The following TRERF1 variants were observed in gnomAD, a reference collection of about 807,000 sequenced individuals.
The protein encoded by TRERF1 is transcriptional regulating factor 1.
In TRERF1, 27 loss-of-function variants were observed where a neutral mutation model predicts 122.9. The observed-to-expected ratio is 0.22, with a 90% CI of 0.16 to 0.30. The LOEUF (loss-of-function observed/expected upper bound fraction) is 0.30, where lower values mean the gene tolerates loss of function less well. TRERF1 is among the 10% of genes least tolerant of loss of function. The pLI, the probability that TRERF1 is intolerant of heterozygous loss-of-function variation, is 1.00. For synonymous variants in TRERF1, 636 were observed against 641.7 expected (o/e 0.99, Z 0.13); for missense variants, 1,248 against 1,560.3 (o/e 0.80, Z 3.37).
At chr6:42,306,235 C>T (rs1257857283) in intron 3 of TRERF1, among the ~76,000 whole-genome samples, 1 of 152,058 alleles carries the variant, frequency 6.6e-6, no homozygotes, top group Non-Finnish European at 1.5e-5. Flanking sequence ...CTCCTGACCT[C>T]AAGTGATCCA....
chr6:42,316,718 A>G (rs1217356497), intron 3 of TRERF1, among the ~76,000 whole-genome samples: 1 of 152,140 alleles, frequency 6.6e-6, no homozygotes, highest in African/African-American at 2.4e-5. Context: ...TCAGGGACCA[A>G]AATCGCCTTT....
chr6:42,277,081 C>G (rs1781269591), intron 4 of TRERF1, among the ~76,000 whole-genome samples: 1 of 152,298 alleles, frequency 6.6e-6, no homozygotes, highest in South Asian at 2.1e-4. Context: ...CCCCCTGTGA[C>G]TACCATATGC....
At chr6:42,437,675 G>A (rs1319800188) in intron 2 of TRERF1, among the ~76,000 whole-genome samples, 1 of 152,062 alleles carries the variant, frequency 6.6e-6, no homozygotes, top group Non-Finnish European at 1.5e-5. Context: ...ATAAGCAAGG[G>A]GGAAAAGAAC....
chr6:42,359,077 G>GCCT (rs1484116135), intron 3 of TRERF1, among the ~76,000 whole-genome samples: 1 of 152,080 alleles, frequency 6.6e-6, no homozygotes. Context: ...CATCGTCAAA[G>GCCT]CCTCCTCCTC....
At chr6:42,405,933 A>G (rs1381589005) in intron 2 of TRERF1, among the ~76,000 whole-genome samples, 1 of 152,188 alleles carries the variant, frequency 6.6e-6, no homozygotes, top group Non-Finnish European at 1.5e-5. Context: ...CTGACCCACC[A>G]TGCAACAAAG....
At chr6:42,265,849 T>G (rs1779062876) in intron 5 of TRERF1, 52 bp from the exon 6 acceptor site, 1 of 1,591,674 alleles carries the variant, frequency 6.3e-7, no homozygotes, top group African/African-American at 1.3e-5. Flanking sequence ...AAAAACGTGT[T>G]CTGAAGGGAG....
intron 2 of TRERF1, among the ~76,000 whole-genome samples, chr6:42,368,181 C>T (rs534054546): frequency 1.1e-4 from 16 of 152,230 alleles, no homozygotes; most frequent in African/African-American, 3.9e-4. Context: ...GGTGGCTGTG[C>T]TCCAGTAAAT....
In TRERF1 at chr6:42,333,138, T is replaced by C. The variant is rs910878436; in HGVS notation, c.-371+29859A>G. 3.3e-5 allele frequency among the ~76,000 whole-genome samples: 5 copies of C among 152,324 alleles called. No homozygotes were observed. In the South Asian group the frequency reaches 8.3e-4, roughly 25 times the overall value. ...AAAAGCACACATTCATCGGTTAAGG[T>C]CTTGTTCCTTAATAGAGATGGATCG... On this transcript the variant is annotated intron_variant, in intron 3 of 17. Coordinates refer to ENST00000372922, the Ensembl canonical transcript of TRERF1.
chr6:42,434,668 C>CCACACACA (rs3075920), intron 2 of TRERF1, among the ~76,000 whole-genome samples: 89 of 114,928 alleles, frequency 7.7e-4, no homozygotes, highest in African/African-American at 1.4e-3. Context: ...ACACCCTCCA[C>CCACACACA]CACACACACA....
intron 3 of TRERF1, among the ~76,000 whole-genome samples, chr6:42,316,867 T>G (rs694083): frequency 0.38 from 57,448 of 151,924 alleles, 11,789 homozygotes; most frequent in East Asian, 0.76. Flanking sequence ...TTGCTACTCA[T>G]GAGTCATGTG....
chr6:42,329,724 C>T (rs545220232), intron 3 of TRERF1, among the ~76,000 whole-genome samples: 3 of 152,184 alleles, frequency 2.0e-5, no homozygotes, highest in East Asian at 1.9e-4. Flanking sequence ...GGCACGGTGG[C>T]TCACGGCTGT....
intron 4 of TRERF1, among the ~76,000 whole-genome samples, chr6:42,277,972 G>GAAA (rs1781590397): frequency 6.9e-6 from 1 of 144,814 alleles, no homozygotes; most frequent in Non-Finnish European, 1.5e-5. Flanking sequence ...AGAAGAAGAA[G>GAAA]AAGACTGCAA....
At position 42,257,232 on chromosome 6, in the gene TRERF1, A is replaced by G. The variant is rs2149754484; in HGVS notation, c.2337-130T>C. 3 of 1,137,402 alleles carry G rather than the reference A, an allele frequency of 2.6e-6. No homozygotes were observed. In the East Asian group the frequency reaches 7.2e-5, roughly 27 times the overall value. 70.5% of individuals were successfully genotyped at this position (1,137,402 alleles called of 1,614,324 possible). A position where few individuals can be genotyped will look rare whatever the true frequency, so the allele number is the denominator to read the frequency against. ...CAAGAATGCAGGGGCATTTCCTCAC[A>G]GTGTGACCCTAAGATTCCACACGTG... On this transcript the variant is annotated intron_variant, in intron 10 of 17. Transcript: ENST00000372922.
chr6:42,441,152 A>G (rs981156817), intron 2 of TRERF1, among the ~76,000 whole-genome samples: 6 of 152,234 alleles, frequency 3.9e-5, no homozygotes, highest in Admixed American at 1.3e-4. Flanking sequence ...ACCCTGGAGC[A>G]CAATGAGTTC....
chr6:42,285,984 C>T (rs71560753), intron 4 of TRERF1, among the ~76,000 whole-genome samples: 2,434 of 146,530 alleles, frequency 0.017, 52 homozygotes, highest in South Asian at 0.029. Flanking sequence ...TCAGAAATAA[C>T]GCCGCATATC....
Position 42,393,078 on chromosome 6 carries a change from C to G in TRERF1, c.-453-29999G>C, listed in dbSNP as rs1052885924. Among the ~76,000 whole-genome samples the G allele has an allele frequency of 1.5e-4, 23 of 152,170 alleles. No individual in the cohort carries two copies. The highest frequency in any genetic ancestry group is 5.6e-4 in the African/African-American group (23 of 41,420). ...CACAGTTAACTCCCACGAGCTGGTG[C>G]GAGCCAGCTTCCACACGCATCACCG... On this transcript the variant is annotated intron_variant, in intron 2 of 17. Transcript: ENST00000372922. This position sits in a 1 kb window ranked among gnomAD's most constrained non-coding sequence, Gnocchi z 4.1.
intron 8 of TRERF1, among the ~76,000 whole-genome samples, chr6:42,262,293 C>T (rs73424328): frequency 0.046 from 6,919 of 152,026 alleles, 271 homozygotes; most frequent in African/African-American, 0.099. Flanking sequence ...TCTCCCTCTA[C>T]CCTGGCCCAG....
At chr6:42,339,715 A>G (rs1206609654) in intron 3 of TRERF1, among the ~76,000 whole-genome samples, 1 of 152,212 alleles carries the variant, frequency 6.6e-6, no homozygotes, top group Non-Finnish European at 1.5e-5. Flanking sequence ...ATCAACAAAG[A>G]CAACAGGCCC....
intron 12 of TRERF1, among the ~76,000 whole-genome samples, chr6:42,255,564 C>T (rs1776596736): frequency 6.6e-6 from 1 of 152,186 alleles, no homozygotes; most frequent in African/African-American, 2.4e-5. Context: ...CTGGGCCCTA[C>T]TCCCAAGCCT....
Sources: allele counts gnomAD v4.1 joint callset (sites outside exome capture counted in the v4.1 genomes callset), GRCh38; gene constraint gnomAD v4.1.1; non-coding constraint Gnocchi (gnomAD v3.1); transcripts MANE v1.5; gene names NCBI Gene and HGNC (gene_info 2026-07-23, HGNC 2026-07-21).